The following CNTNAP4 variants were observed in gnomAD, a reference collection of about 807,000 sequenced individuals.
The protein encoded by CNTNAP4 is contactin-associated protein-like 4.
A neutral mutation model predicts 148.4 loss-of-function variants in CNTNAP4; 98 were observed. The ratio of observed to expected loss-of-function variants is 0.66; its 90% confidence interval spans 0.56 to 0.78. CNTNAP4 has a LOEUF of 0.78. Ranked by LOEUF, CNTNAP4 falls within the 30% of genes least tolerant of loss-of-function variation. The probability of loss-of-function intolerance (pLI) is 0.00; values close to 1 mark genes in which losing one functional copy is unlikely to be tolerated. For synonymous variants in CNTNAP4, 730 were observed against 565.1 expected (o/e 1.29, Z -4.14); for missense variants, 1,935 against 1,565.6 (o/e 1.24, Z -3.98).
chr16:76,413,983 C>T (rs2078892892), intron 3 of CNTNAP4, among the ~76,000 whole-genome samples: 1 of 151,164 alleles, frequency 6.6e-6, no homozygotes, highest in Non-Finnish European at 1.5e-5. Flanking sequence ...CCTACATTTG[C>T]ACTCATACAC....
At chr16:76,341,001 T>C (rs1964427082) in intron 2 of CNTNAP4, among the ~76,000 whole-genome samples, 1 of 152,212 alleles carries the variant, frequency 6.6e-6, no homozygotes, top group Admixed American at 6.5e-5. Context: ...TTTCTGACAC[T>C]TTATATTTTT....
Position 76,336,264 on chromosome 16 carries a change from C to G in CNTNAP4, c.197-19054C>G, listed in dbSNP as rs181101553. Among the ~76,000 whole-genome samples the G allele has an allele frequency of 1.8e-3, 275 of 152,278 alleles. 1 individual carries two copies. Among genetic ancestry groups the G allele is most frequent in the Middle Eastern group, 6.8e-3 (2 of 294 alleles). ...AGAAATTCATAACTGCAATATTATT[C>G]TAACTGCTTTGCTTAAGTAGCTTAT... On this transcript the variant is annotated intron_variant, in intron 2 of 23. Coordinates refer to ENST00000611870, the MANE Select transcript of CNTNAP4 (RefSeq NM_033401.5).
chr16:76,378,683 A>T (rs2015672979), intron 3 of CNTNAP4, among the ~76,000 whole-genome samples: 2 of 152,076 alleles, frequency 1.3e-5, no homozygotes, highest in South Asian at 4.1e-4. Context: ...CTCAGCCCTG[A>T]CCACACTCCA....
intron 17 of CNTNAP4, among the ~76,000 whole-genome samples, chr16:76,522,701 CTT>C (rs879904098): frequency 0.18 from 3,885 of 22,112 alleles, 593 homozygotes; most frequent in Admixed American, 0.23. Context: ...CTTTTCTTTT[CTT>C]TTCTTTTCTT....
chr16:76,332,740 C>A (rs1230323198), intron 2 of CNTNAP4, among the ~76,000 whole-genome samples: 7 of 151,302 alleles, frequency 4.6e-5, no homozygotes, highest in Admixed American at 3.9e-4. Context: ...ATATTTTTTC[C>A]TTTTTATCAT....
intron 1 of CNTNAP4, among the ~76,000 whole-genome samples, chr16:76,293,313 C>A (rs898711898): frequency 6.6e-6 from 1 of 151,962 alleles, no homozygotes. Flanking sequence ...TTAGTAGAGA[C>A]GGGGTTTCAC....
intron 4 of CNTNAP4, among the ~76,000 whole-genome samples, chr16:76,444,577 T>C (rs1029880190): frequency 8.6e-5 from 13 of 152,038 alleles, no homozygotes; most frequent in East Asian, 1.9e-4. Flanking sequence ...AAAAGATTAA[T>C]TTTTTCAGGT....
At chr16:76,478,234 A>G (rs1483337742) in intron 11 of CNTNAP4, among the ~76,000 whole-genome samples, 1 of 152,174 alleles carries the variant, frequency 6.6e-6, no homozygotes. Flanking sequence ...TCCCACCACA[A>G]AGTTATGATA....
intron 3 of CNTNAP4, among the ~76,000 whole-genome samples, chr16:76,388,474 AGGAAACATTGATAT>A (rs1246809865): frequency 6.6e-6 from 1 of 152,254 alleles, no homozygotes; most frequent in Admixed American, 6.5e-5. Flanking sequence ...AAACAAATGA[AGGAAACATTGATAT>A]GGATTTCTAG....
At chr16:76,397,289 G>A (rs2078236396) in intron 3 of CNTNAP4, among the ~76,000 whole-genome samples, 1 of 152,020 alleles carries the variant, frequency 6.6e-6, no homozygotes, top group Non-Finnish European at 1.5e-5. Context: ...AATGAGAACT[G>A]AGAAAAGTTG....
intron 13 of CNTNAP4, among the ~76,000 whole-genome samples, chr16:76,490,815 T>C (rs1305970669): frequency 6.6e-6 from 1 of 152,190 alleles, no homozygotes; most frequent in East Asian, 1.9e-4. Flanking sequence ...AAACACGTAT[T>C]TTCTAGCAGT....
chr16:76,501,134 A>G (rs1047930300), intron 15 of CNTNAP4, among the ~76,000 whole-genome samples: 2 of 152,218 alleles, frequency 1.3e-5, no homozygotes, highest in African/African-American at 4.8e-5. Flanking sequence ...TCTGATATGT[A>G]TCACCTCTAC....
chr16:76,277,426 T>G lies in CNTNAP4; in HGVS notation c.-237T>G, dbSNP rs1286173175. 6.6e-6 allele frequency: 3 copies of G among 456,758 alleles called. No individual in the cohort carries two copies. The highest frequency in any genetic ancestry group is 1.2e-5 in the Non-Finnish European group (3 of 258,456). The allele number at this position is 456,758 out of a possible 1,614,324, so 28.3% of individuals were successfully genotyped here. On this transcript the variant is annotated 5_prime_UTR_variant, in exon 1 of 24. Coordinates refer to ENST00000611870, the MANE Select transcript of CNTNAP4 (RefSeq NM_033401.5). Reference sequence around the variant, plus strand: ...GCTTTTCAGTGAGGAGTCAGGGAGGTGTGTGTGAGAGAGAGAGAGAAAAGA... The same window carrying G: ...GCTTTTCAGTGAGGAGTCAGGGAGGGGTGTGTGAGAGAGAGAGAGAAAAGA...
At chr16:76,458,927 C>A (rs2080835234) in intron 8 of CNTNAP4, among the ~76,000 whole-genome samples, 1 of 151,896 alleles carries the variant, frequency 6.6e-6, no homozygotes, top group African/African-American at 2.4e-5. Context: ...AACTAATTTA[C>A]AGTTCCCCCT....
At chr16:76,341,656 T>C (rs543481176) in intron 2 of CNTNAP4, among the ~76,000 whole-genome samples, 3 of 152,172 alleles carry the variant, frequency 2.0e-5, no homozygotes, top group East Asian at 3.9e-4. Context: ...CATGAATAGA[T>C]ATATGGGAGG....
chr16:76,325,675 A>T (rs1052122420), intron 2 of CNTNAP4, among the ~76,000 whole-genome samples: 2 of 152,138 alleles, frequency 1.3e-5, no homozygotes, highest in Non-Finnish European at 1.5e-5. Flanking sequence ...AAAAGAAAAA[A>T]GGTTAAATAT....
intron 4 of CNTNAP4, among the ~76,000 whole-genome samples, chr16:76,431,094 T>C (rs2079589634): frequency 6.6e-6 from 1 of 152,130 alleles, no homozygotes; most frequent in South Asian, 2.1e-4. Context: ...ATAAAGTGAT[T>C]GATAAATTGT....
intron 3 of CNTNAP4, among the ~76,000 whole-genome samples, chr16:76,391,156 C>T (rs1457428890): frequency 6.6e-6 from 1 of 152,150 alleles, no homozygotes; most frequent in Non-Finnish European, 1.5e-5. Context: ...CCCCCACTAC[C>T]CTTCCCAATC....
chr16:76,431,211 G>C (rs2079593091), intron 4 of CNTNAP4, among the ~76,000 whole-genome samples: 2 of 152,274 alleles, frequency 1.3e-5, no homozygotes, highest in Middle Eastern at 3.4e-3. Context: ...CTGTACCCCA[G>C]TCAAGCACAG....
Sources: allele counts gnomAD v4.1 joint callset (sites outside exome capture counted in the v4.1 genomes callset), GRCh38; gene constraint gnomAD v4.1.1; transcripts MANE v1.5; gene names NCBI Gene and HGNC (gene_info 2026-07-23, HGNC 2026-07-21).